The following PPP2R3A variants were observed in gnomAD, a reference collection of about 807,000 sequenced individuals.
The protein encoded by PPP2R3A is protein phosphatase 2 regulatory subunit B''alpha, also known as serine/threonine-protein phosphatase 2A regulatory subunit B'' subunit alpha.
A neutral mutation model predicts 106.9 loss-of-function variants in PPP2R3A; 80 were observed. That is an observed-to-expected ratio of 0.75 (90% confidence interval 0.62 to 0.90). The LOEUF is 0.90. Among genes scored for constraint, PPP2R3A ranks in the 40% least tolerant of loss-of-function variants. PPP2R3A has a pLI of 0.00. For missense variants in PPP2R3A, 1,386 were observed against 1,350.4 expected, an observed-to-expected ratio of 1.03 and a Z score of -0.41; for synonymous variants, 483 against 468.3, an observed-to-expected ratio of 1.03 and a Z score of -0.41.
rs979790631 is a variant in PPP2R3A at position 135,967,702 on chromosome 3, C to G, written c.-441+1853C>G. On this transcript the variant is annotated intron_variant, in intron 1 of 13. Coordinates refer to ENST00000264977, the MANE Select transcript of PPP2R3A (RefSeq NM_002718.5). ...ACACAGCTGAAGCTTCACCTCTGCC[C>G]TGAAGCTTTGCTTGACACCCCCCAT... is the stretch of plus-strand genomic sequence containing the variant. 2.5e-4 allele frequency among the ~76,000 whole-genome samples: 38 copies of G among 152,108 alleles called. 1 individual carries two copies. Among genetic ancestry groups the G allele is most frequent in the Admixed American group, 2.4e-3 (37 of 15,264 alleles).
intron 1 of PPP2R3A, among the ~76,000 whole-genome samples, chr3:135,995,678 G>A (rs1933367477): frequency 6.6e-6 from 1 of 151,904 alleles, no homozygotes; most frequent in South Asian, 2.1e-4. Flanking sequence ...TCACCATGTT[G>A]GCCAGGTTGA....
At chr3:136,138,735 C>CAG (rs373938964) in intron 13 of PPP2R3A, among the ~76,000 whole-genome samples, 4,176 of 35,682 alleles carry the variant, frequency 0.12, 307 homozygotes, top group African/African-American at 0.34. Context: ...TTTTTTGAGA[C>CAG]AGTTTCGCTC....
intron 6 of PPP2R3A, among the ~76,000 whole-genome samples, chr3:136,075,518 G>A (rs981221105): frequency 6.6e-6 from 1 of 152,028 alleles, no homozygotes; most frequent in African/African-American, 2.4e-5. Flanking sequence ...ATGGAAAAAT[G>A]GAATACAAAT....
chr3:135,995,967 A>G (rs1177001290), intron 1 of PPP2R3A, among the ~76,000 whole-genome samples: 6 of 152,168 alleles, frequency 3.9e-5, no homozygotes, highest in Non-Finnish European at 8.8e-5. Context: ...CGCATTTCTT[A>G]AAAGAGTGTT....
chr3:136,000,237 T>C (rs1488646846), intron 1 of PPP2R3A, among the ~76,000 whole-genome samples: 1 of 152,202 alleles, frequency 6.6e-6, no homozygotes, highest in Non-Finnish European at 1.5e-5. Flanking sequence ...GTTTAACTTG[T>C]ATGTTGGGTT....
chr3:135,993,299 A>G (rs898543765), intron 1 of PPP2R3A, among the ~76,000 whole-genome samples: 1 of 152,198 alleles, frequency 6.6e-6, no homozygotes, highest in Non-Finnish European at 1.5e-5. Context: ...TTTAATAAGC[A>G]TATGAAAAAA....
intron 13 of PPP2R3A, among the ~76,000 whole-genome samples, chr3:136,127,828 T>C (rs1323932608): frequency 1.3e-5 from 2 of 152,116 alleles, no homozygotes; most frequent in Admixed American, 1.3e-4. Context: ...GCAGAAACAC[T>C]ACAAGCCAGA....
chr3:135,978,647 A>G (rs2107755949), intron 1 of PPP2R3A, among the ~76,000 whole-genome samples: 1 of 151,980 alleles, frequency 6.6e-6, no homozygotes, highest in Non-Finnish European at 1.5e-5. Context: ...AAATTCTCTC[A>G]AAGAGCAGTG....
Position 136,003,490 on chromosome 3 carries a change from C to CAAGGT in PPP2R3A, c.1995+1_1995+5dup, listed in dbSNP as rs756968151. ...TGATTCAGCAGACTCCAGAGGTGAT[C>CAAGGT]AAGGTAAGACCCAACAATTTTGAGT... On this transcript the variant is annotated frameshift_variant, in exon 2 of 14. Transcript: ENST00000264977. LOFTEE classifies it high-confidence loss of function. 3 of 1,574,848 alleles carry CAAGGT rather than the reference C, an allele frequency of 1.9e-6. No homozygotes were observed. The African/African-American group carries it at 4.1e-5, about 22-fold the overall frequency.
intron 2 of PPP2R3A, among the ~76,000 whole-genome samples, chr3:136,004,357 A>G (rs1933768168): frequency 6.6e-6 from 1 of 152,164 alleles, no homozygotes; most frequent in South Asian, 2.1e-4. Context: ...AGTCTGATGG[A>G]GGCTCCATGT....
At chr3:136,136,087 TATATATAA>T (rs1938613751) in intron 13 of PPP2R3A, among the ~76,000 whole-genome samples, 19 of 121,004 alleles carry the variant, frequency 1.6e-4, no homozygotes, top group Non-Finnish European at 1.9e-4. Context: ...TATATATATA[TATATATAA>T]AAAACATCAT....
intron 13 of PPP2R3A, among the ~76,000 whole-genome samples, chr3:136,133,130 G>T (rs1938487154): frequency 1.3e-5 from 2 of 152,048 alleles, no homozygotes; most frequent in Non-Finnish European, 2.9e-5. Flanking sequence ...CCTTGGGTTG[G>T]GCAAGAGTAA....
At chr3:136,091,888 A>C (rs1326344741) in intron 10 of PPP2R3A, among the ~76,000 whole-genome samples, 3 of 152,324 alleles carry the variant, frequency 2.0e-5, no homozygotes, top group Non-Finnish European at 4.4e-5. Flanking sequence ...TCTTGAGATC[A>C]GAAGTGTTTC....
intron 3 of PPP2R3A, among the ~76,000 whole-genome samples, chr3:136,039,031 C>T (rs1447947435): frequency 6.6e-6 from 1 of 152,164 alleles, no homozygotes. Context: ...CCTCCCTTGG[C>T]TTGAATCTTG....
intron 3 of PPP2R3A, among the ~76,000 whole-genome samples, chr3:136,038,173 C>T (rs1424834072): frequency 6.6e-6 from 1 of 152,038 alleles, no homozygotes; most frequent in Non-Finnish European, 1.5e-5. Context: ...TAGCCCTTAC[C>T]ATTCTGCCTT....
At chr3:136,063,967 T>C (rs1282147113) in intron 5 of PPP2R3A, among the ~76,000 whole-genome samples, 17 of 150,464 alleles carry the variant, frequency 1.1e-4, no homozygotes, top group Admixed American at 3.3e-4. Context: ...CACACGCACA[T>C]GTATGTTTAT....
Position 136,146,505 on chromosome 3 carries a change from AAAAAG to A in PPP2R3A, c.*1345_*1349del, listed in dbSNP as rs1939131986. On this transcript the variant is annotated 3_prime_UTR_variant, in exon 14 of 14. Coordinates refer to ENST00000264977, the MANE Select transcript of PPP2R3A (RefSeq NM_002718.5). ...ACCTTGGGTTAGAGTTATGGTAGGC[AAAAAG>A]AAAAGGAGAATTTAGGAAATAAATA... is the stretch of plus-strand genomic sequence containing the variant. 1 of 152,216 alleles carries A rather than the reference AAAAAG, an allele frequency of 6.6e-6. No homozygotes were observed. Among genetic ancestry groups the A allele is most frequent in the Non-Finnish European group, 1.5e-5 (1 of 68,028 alleles). 9.4% of individuals were successfully genotyped at this position (152,216 alleles called of 1,614,324 possible). A position where few individuals can be genotyped will look rare whatever the true frequency, so the allele number is the denominator to read the frequency against.
chr3:136,061,598 A>C (rs1936076334), intron 5 of PPP2R3A, among the ~76,000 whole-genome samples: 1 of 151,126 alleles, frequency 6.6e-6, no homozygotes, highest in South Asian at 2.1e-4. Flanking sequence ...AGTGCACTCC[A>C]CCCTGGGTGA....
At chr3:135,997,542 T>G (rs559871122) in intron 1 of PPP2R3A, among the ~76,000 whole-genome samples, 1 of 152,206 alleles carries the variant, frequency 6.6e-6, no homozygotes, top group Non-Finnish European at 1.5e-5. Flanking sequence ...CCCAGATCTT[T>G]CTGCTGACCT....
Sources: gnomAD v4.1 joint callset for allele counts (sites outside exome capture counted in the v4.1 genomes callset) on GRCh38, gnomAD v4.1.1 for gene constraint, MANE v1.5 for transcripts, NCBI Gene and HGNC (gene_info 2026-07-23, HGNC 2026-07-21) for gene names.